The following CACHD1 variants were observed in gnomAD, a reference collection of about 807,000 sequenced individuals.
CACHD1 encodes VWFA and cache domain-containing protein 1.
Under a neutral mutation model 138.7 loss-of-function variants are expected in CACHD1, and 71 were observed. The observed-to-expected ratio is 0.51, with a 90% CI of 0.42 to 0.62. The LOEUF (loss-of-function observed/expected upper bound fraction) is 0.62, where lower values mean the gene tolerates loss of function less well. Among genes scored for constraint, CACHD1 ranks in the 20% least tolerant of loss-of-function variants. CACHD1 has a pLI of 0.00. For synonymous variants in CACHD1, 578 were observed against 591.5 expected, an observed-to-expected ratio of 0.98 and a Z score of 0.33; for missense variants, 1,389 against 1,625.3, an observed-to-expected ratio of 0.85 and a Z score of 2.50.
chr1:64,585,354 A>G (rs1007136721), intron 3 of CACHD1, among the ~76,000 whole-genome samples: 1 of 152,234 alleles, frequency 6.6e-6, no homozygotes, highest in African/African-American at 2.4e-5. Flanking sequence ...GGTAAAACCC[A>G]GTGGTCAACC....
At chr1:64,509,136 A>C (rs566840873) in intron 1 of CACHD1, among the ~76,000 whole-genome samples, 1 of 152,324 alleles carries the variant, frequency 6.6e-6, no homozygotes, top group South Asian at 2.1e-4. Context: ...GTTCCTAACT[A>C]TGAGTATGGA....
chr1:64,566,538 G>T (rs1646884155), intron 2 of CACHD1, among the ~76,000 whole-genome samples: 1 of 142,568 alleles, frequency 7.0e-6, no homozygotes, highest in African/African-American at 2.5e-5. Context: ...AATGGAAGGG[G>T]CTAGACTCTG....
intron 2 of CACHD1, among the ~76,000 whole-genome samples, chr1:64,576,027 A>T (rs918109814): frequency 3.3e-5 from 5 of 152,164 alleles, no homozygotes; most frequent in African/African-American, 1.2e-4. Flanking sequence ...ATCCGTTCCC[A>T]TGGGGACCGC....
At chr1:64,608,977 G>A (rs1455441708) in intron 4 of CACHD1, among the ~76,000 whole-genome samples, 1 of 152,150 alleles carries the variant, frequency 6.6e-6, no homozygotes, top group African/African-American at 2.4e-5. Context: ...ATTTGAAGTC[G>A]CAAACTTCGA....
chr1:64,471,007 C>A, intron 1 of CACHD1, 65 bp downstream of exon 1: 1 of 1,476,404 alleles, frequency 6.8e-7, no homozygotes. Context: ...CCATCCCACT[C>A]CCGGTACAAG....
intron 3 of CACHD1, among the ~76,000 whole-genome samples, chr1:64,599,559 G>A (rs1647193643): frequency 6.6e-6 from 1 of 152,112 alleles, no homozygotes; most frequent in African/African-American, 2.4e-5. Flanking sequence ...GGAGTTGGTG[G>A]GAAGAGAAGG....
chr1:64,684,816 T>C (rs1161144316), intron 26 of CACHD1, among the ~76,000 whole-genome samples: 3 of 152,204 alleles, frequency 2.0e-5, no homozygotes, highest in East Asian at 3.9e-4. Flanking sequence ...TTGTTTTTTG[T>C]TTTTTGTTTT....
At chr1:64,620,601 A>T (rs1437846085) in intron 4 of CACHD1, among the ~76,000 whole-genome samples, 1 of 152,332 alleles carries the variant, frequency 6.6e-6, no homozygotes, top group East Asian at 1.9e-4. Flanking sequence ...GGCCATTTTC[A>T]TCTCACATAA....
At chr1:64,651,461 A>C (rs1649090570) in intron 9 of CACHD1, among the ~76,000 whole-genome samples, 1 of 152,086 alleles carries the variant, frequency 6.6e-6, no homozygotes, top group African/African-American at 2.4e-5. Context: ...AACATTTCCT[A>C]GAAATCAGTA....
intron 4 of CACHD1, among the ~76,000 whole-genome samples, chr1:64,604,827 A>T (rs563746756): frequency 6.6e-6 from 1 of 150,684 alleles, no homozygotes; most frequent in South Asian, 2.1e-4. Flanking sequence ...TAATTTTTGT[A>T]TTTTTTGTGG....
chr1:64,654,829 T>C, intron 12 of CACHD1, 26 bp downstream of exon 12: 1 of 1,523,026 alleles, frequency 6.6e-7, no homozygotes, highest in Non-Finnish European at 9.1e-7. Context: ...TTGTGTTTGC[T>C]TGAAGAGCTA....
intron 3 of CACHD1, among the ~76,000 whole-genome samples, chr1:64,598,494 C>G (rs1409977832): frequency 5.9e-5 from 9 of 152,186 alleles, no homozygotes; most frequent in African/African-American, 2.2e-4. Context: ...GTTACTCAGT[C>G]AACCAGTAAG....
Position 64,547,575 on chromosome 1 carries a change from C to T in CACHD1, c.199-3019C>T, listed in dbSNP as rs191929604. 2.0e-3 allele frequency among the ~76,000 whole-genome samples: 309 copies of T among 152,238 alleles called. 3 individuals carry two copies. Among genetic ancestry groups the T allele is most frequent in the African/African-American group, 6.8e-3 (282 of 41,538 alleles). On this transcript the variant is annotated intron_variant, in intron 1 of 26. Transcript: ENST00000651257. ...AGAAACGGGGTTTCACCATGTTAGCCGGGCTTGTCTTGAACTCCTGACCTC... is the reference window on the plus strand; with the variant it reads ...AGAAACGGGGTTTCACCATGTTAGCTGGGCTTGTCTTGAACTCCTGACCTC...
At chr1:64,569,697 G>C (rs141309310) in intron 2 of CACHD1, among the ~76,000 whole-genome samples, 16 of 152,244 alleles carry the variant, frequency 1.1e-4, no homozygotes, top group Admixed American at 3.3e-4. Context: ...ATAAAAGTCA[G>C]CTTTTCACAT....
rs1479219311 is a variant in CACHD1, at chr1:64,673,520, A to C, written c.2727+56A>C. The C allele has an allele frequency of 5.2e-6, 7 of 1,334,206 alleles. No homozygotes were observed. In the Admixed American group the frequency reaches 1.0e-4, roughly 19 times the overall value. 82.6% of individuals were successfully genotyped at this position (1,334,206 alleles called of 1,614,324 possible). A position where few individuals can be genotyped will look rare whatever the true frequency, so the allele number is the denominator to read the frequency against. On this transcript the variant is annotated intron_variant, in intron 19 of 26. Coordinates refer to ENST00000651257, the MANE Select transcript of CACHD1 (RefSeq NM_020925.4). Reference sequence around the variant, plus strand: ...TTTTTCCATCCCATTATGGAACATGAATTGGAATCATGGCTAGTGTCTGAA... The same window carrying C: ...TTTTTCCATCCCATTATGGAACATGCATTGGAATCATGGCTAGTGTCTGAA...
At chr1:64,546,189 G>A (rs1646716949) in intron 1 of CACHD1, among the ~76,000 whole-genome samples, 1 of 152,134 alleles carries the variant, frequency 6.6e-6, no homozygotes, top group Non-Finnish European at 1.5e-5. Context: ...GGGGAGTTGG[G>A]ATAAAGGAAA....
intron 1 of CACHD1, among the ~76,000 whole-genome samples, chr1:64,541,644 C>T (rs113627716): frequency 6.6e-6 from 1 of 151,752 alleles, no homozygotes; most frequent in East Asian, 1.9e-4. Flanking sequence ...CCTGTCTCTA[C>T]CAAACAAAAC....
chr1:64,608,062 C>G (rs1332952379), intron 4 of CACHD1, among the ~76,000 whole-genome samples: 1 of 151,964 alleles, frequency 6.6e-6, no homozygotes, highest in African/African-American at 2.4e-5. Context: ...AATATAAAGA[C>G]CAGATCTTGA....
intron 2 of CACHD1, among the ~76,000 whole-genome samples, chr1:64,567,216 G>A (rs930157898): frequency 1.9e-4 from 29 of 152,200 alleles, no homozygotes; most frequent in African/African-American, 6.7e-4. Flanking sequence ...GAGAAACAAA[G>A]AGCTTATCCC....
Sources: allele counts gnomAD v4.1 joint callset (sites outside exome capture counted in the v4.1 genomes callset), GRCh38; gene constraint gnomAD v4.1.1; transcripts MANE v1.5; gene names NCBI Gene and HGNC (gene_info 2026-07-23, HGNC 2026-07-21).